Variants in MAGI2 observed in about 807,000 individuals in gnomAD.
MAGI2 encodes the protein membrane-associated guanylate kinase, WW and PDZ domain-containing protein 2.
A neutral mutation model predicts 133.3 loss-of-function variants in MAGI2; 35 were observed. The observed-to-expected ratio is 0.26, with a 90% confidence interval of 0.20 to 0.35. The LOEUF (loss-of-function observed/expected upper bound fraction) is 0.35, where lower values mean the gene tolerates loss of function less well. Ranked by LOEUF, MAGI2 falls within the 10% of genes least tolerant of loss-of-function variation. The pLI is 1.00. For synonymous variants in MAGI2, 729 were observed against 710.6 expected (o/e 1.03, Z -0.41); for missense variants, 1,636 against 1,863.4 (o/e 0.88, Z 2.25).
intron 1 of MAGI2, among the ~76,000 whole-genome samples, chr7:79,228,589 T>A (rs1831081777): frequency 6.6e-6 from 1 of 152,062 alleles, no homozygotes; most frequent in South Asian, 2.1e-4. Flanking sequence ...CTGGCTAACA[T>A]GACACAAGCA....
chr7:79,319,501 A>ATG (rs1839007186), intron 1 of MAGI2, among the ~76,000 whole-genome samples: 1 of 152,146 alleles, frequency 6.6e-6, no homozygotes, highest in Non-Finnish European at 1.5e-5. Flanking sequence ...AGAAGTATGT[A>ATG]TGTGTCTATG....
At chr7:79,405,909 G>C (rs1845770767) in intron 1 of MAGI2, among the ~76,000 whole-genome samples, 1 of 102,372 alleles carries the variant, frequency 9.8e-6, no homozygotes, top group African/African-American at 4.5e-5. Context: ...AAATGACCTT[G>C]TAACCACAAC....
chr7:79,229,483 C>G (rs1399148176), intron 1 of MAGI2, among the ~76,000 whole-genome samples: 1 of 152,176 alleles, frequency 6.6e-6, no homozygotes, highest in Non-Finnish European at 1.5e-5. Flanking sequence ...CAGCTACTGA[C>G]TGATACATTA....
chr7:79,389,720 A>G (rs1021550363), intron 1 of MAGI2, among the ~76,000 whole-genome samples: 2 of 149,224 alleles, frequency 1.3e-5, no homozygotes, highest in Non-Finnish European at 2.9e-5. Context: ...CTATGAGAAT[A>G]AAAGGAATCC....
intron 1 of MAGI2, among the ~76,000 whole-genome samples, chr7:79,187,768 G>A (rs1170352679): frequency 1.3e-5 from 2 of 151,724 alleles, no homozygotes; most frequent in African/African-American, 4.8e-5. Context: ...GCATGGTTGT[G>A]TTTCACAGAT....
chr7:79,232,135 G>A (rs368331542), intron 1 of MAGI2, among the ~76,000 whole-genome samples: 1 of 152,140 alleles, frequency 6.6e-6, no homozygotes, highest in East Asian at 1.9e-4. Context: ...GCATCCCAGG[G>A]ATGAAGCCCA....
At chr7:79,156,248 C>A (rs973667397) in intron 1 of MAGI2, among the ~76,000 whole-genome samples, 1 of 152,082 alleles carries the variant, frequency 6.6e-6, no homozygotes, top group South Asian at 2.1e-4. Flanking sequence ...ATATTTTACC[C>A]CAAAACATGT....
chr7:78,678,317 C>A (rs1010616076), intron 2 of MAGI2, among the ~76,000 whole-genome samples: 6 of 152,154 alleles, frequency 3.9e-5, no homozygotes, highest in Non-Finnish European at 8.8e-5. Flanking sequence ...CATGGTACCA[C>A]TTACTCATGA....
chr7:79,391,502 T>G (rs1844608711), intron 1 of MAGI2, among the ~76,000 whole-genome samples: 1 of 50,916 alleles, frequency 2.0e-5, no homozygotes, highest in Admixed American at 2.1e-4. Flanking sequence ...TATATATATA[T>G]ATAGACATAT....
At chr7:78,133,096 G>T (rs1337058214) in intron 17 of MAGI2, 36 bp from the exon 18 acceptor site, 1 of 1,491,086 alleles carries the variant, frequency 6.7e-7, no homozygotes, top group Non-Finnish European at 8.9e-7. Context: ...ATGCAGTCAG[G>T]TTAGTGTTGA....
At chr7:78,601,880 A>G (rs923326366) in intron 3 of MAGI2, among the ~76,000 whole-genome samples, 3 of 152,236 alleles carry the variant, frequency 2.0e-5, no homozygotes, top group African/African-American at 7.2e-5. Context: ...ATCAGCACAC[A>G]GTACAGTGGA....
intron 1 of MAGI2, among the ~76,000 whole-genome samples, chr7:79,248,483 A>G (rs1026535720): frequency 6.6e-6 from 1 of 152,198 alleles, no homozygotes; most frequent in African/African-American, 2.4e-5. Flanking sequence ...TAACAAAGCA[A>G]TATCAGACTT....
intron 2 of MAGI2, among the ~76,000 whole-genome samples, chr7:78,645,067 A>G (rs1810714728): frequency 6.6e-6 from 1 of 151,996 alleles, no homozygotes; most frequent in Non-Finnish European, 1.5e-5. Flanking sequence ...TATGTATAAT[A>G]TCCAGGCTCT....
At position 78,183,500 on chromosome 7, in the gene MAGI2, G is replaced by A. The variant is rs571356302; in HGVS notation, c.2311+2129C>T. 9.9e-5 allele frequency among the ~76,000 whole-genome samples: 15 copies of A among 152,116 alleles called. No individual in the cohort carries two copies. In the South Asian group the frequency reaches 2.1e-3, roughly 21 times the overall value. On this transcript the variant is annotated intron_variant, in intron 13 of 21. Coordinates refer to ENST00000354212, the MANE Select transcript of MAGI2 (RefSeq NM_012301.4). ...AGGATGGTCTCGATCTCTTGAACTC[G>A]TGATCTGCCAGACTCGGCCTCCCAA... is the stretch of plus-strand genomic sequence containing the variant.
At chr7:78,613,196 T>A (rs924562310) in intron 3 of MAGI2, among the ~76,000 whole-genome samples, 1 of 152,142 alleles carries the variant, frequency 6.6e-6, no homozygotes, top group African/African-American at 2.4e-5. Context: ...TCTGAACATA[T>A]AACATGCCAA....
intron 9 of MAGI2, among the ~76,000 whole-genome samples, chr7:78,339,537 A>AT (rs1178215639): frequency 6.6e-6 from 1 of 152,208 alleles, no homozygotes; most frequent in Non-Finnish European, 1.5e-5. Context: ...AAATAACTAC[A>AT]TTTTTTATTC....
At chr7:79,089,839 G>T (rs1816889738) in intron 1 of MAGI2, among the ~76,000 whole-genome samples, 1 of 152,044 alleles carries the variant, frequency 6.6e-6, no homozygotes, top group Non-Finnish European at 1.5e-5. Context: ...ACTGGGGCCT[G>T]TCAGAAGGTG....
At chr7:79,062,672 A>G (rs1033725721) in intron 1 of MAGI2, among the ~76,000 whole-genome samples, 1 of 152,086 alleles carries the variant, frequency 6.6e-6, no homozygotes. Flanking sequence ...TCATGAGTCT[A>G]TAATTTGAAA....
intron 2 of MAGI2, among the ~76,000 whole-genome samples, chr7:78,628,110 C>T (rs1170045036): frequency 1.3e-5 from 2 of 152,204 alleles, no homozygotes; most frequent in Non-Finnish European, 2.9e-5. Context: ...ACACAGCCTC[C>T]CAGGCATGCT....
Sources: allele counts gnomAD v4.1 joint callset (sites outside exome capture counted in the v4.1 genomes callset), GRCh38; gene constraint gnomAD v4.1.1; transcripts MANE v1.5; gene names NCBI Gene and HGNC (gene_info 2026-07-23, HGNC 2026-07-21).